Variants in LRMDA observed in about 807,000 individuals in gnomAD.
LRMDA encodes leucine rich melanocyte differentiation associated.
A neutral mutation model predicts 29.8 loss-of-function variants in LRMDA; 18 were observed. The observed-to-expected ratio is 0.60, with a 90% CI of 0.42 to 0.90. The LOEUF (loss-of-function observed/expected upper bound fraction) is 0.90, where lower values mean the gene tolerates loss of function less well. Among genes scored for constraint, LRMDA ranks in the 40% least tolerant of loss-of-function variants. LRMDA has a pLI of 0.00. For synonymous variants in LRMDA, 125 were observed against 109.4 expected, an observed-to-expected ratio of 1.14 and a Z score of -0.89; for missense variants, 273 against 273.9, an observed-to-expected ratio of 1.00 and a Z score of 0.02.
intron 6 of LRMDA, among the ~76,000 whole-genome samples, chr10:76,337,261 C>T (rs1840981079): frequency 6.6e-6 from 1 of 151,852 alleles, no homozygotes; most frequent in African/African-American, 2.4e-5. Flanking sequence ...TTTCTGCCTT[C>T]AAAGAGCTTA....
rs948866681 is a variant in LRMDA at position 75,477,696 on chromosome 10, C to T, written c.131+39202C>T. ...AGGCTTGTATAGCCCCTGGGGCCCA[C>T]GAGGCTTGTATGGCTTCTGGGGCCC... On this transcript the variant is annotated intron_variant, in intron 2 of 6. Coordinates refer to ENST00000611255, the MANE Select transcript of LRMDA (RefSeq NM_001305581.2). Among the ~76,000 whole-genome samples, 73 of 152,220 alleles carry T rather than the reference C, an allele frequency of 4.8e-4. 1 individual carries two copies. Among genetic ancestry groups the T allele is most frequent in the African/African-American group, 1.4e-3 (56 of 41,458 alleles).
At chr10:76,036,190 C>G (rs1848242260) in intron 3 of LRMDA, 56 bp downstream of exon 3, 6 of 1,506,568 alleles carry the variant, frequency 4.0e-6, no homozygotes, top group Middle Eastern at 2.4e-4. Flanking sequence ...CAGTCGTCCC[C>G]CAACCCCACC....
intron 6 of LRMDA, among the ~76,000 whole-genome samples, chr10:76,340,542 G>C (rs957882535): frequency 7.3e-6 from 1 of 136,676 alleles, no homozygotes; most frequent in African/African-American, 2.7e-5. Context: ...AAAAAAGAGA[G>C]AGAGAGGGAG....
At chr10:75,509,937 C>G (rs1845209084) in intron 2 of LRMDA, among the ~76,000 whole-genome samples, 1 of 152,188 alleles carries the variant, frequency 6.6e-6, no homozygotes, top group South Asian at 2.1e-4. Flanking sequence ...CTGAGGAAGT[C>G]ATCTGCCCAC....
At chr10:76,348,492 A>G (rs1158465070) in intron 6 of LRMDA, among the ~76,000 whole-genome samples, 1 of 152,230 alleles carries the variant, frequency 6.6e-6, no homozygotes, top group Non-Finnish European at 1.5e-5. Flanking sequence ...ACTGTTTTTA[A>G]TGAGTTGTTC....
chr10:76,169,095 A>G (rs542138874), intron 5 of LRMDA, among the ~76,000 whole-genome samples: 98 of 152,314 alleles, frequency 6.4e-4, no homozygotes, highest in Middle Eastern at 3.4e-3. Flanking sequence ...CTTTCCTTAG[A>G]ATAGCTCTTT....
At chr10:75,733,707 C>CTCCTCAGG (rs1319650722) in intron 2 of LRMDA, among the ~76,000 whole-genome samples, 1 of 152,196 alleles carries the variant, frequency 6.6e-6, no homozygotes, top group Non-Finnish European at 1.5e-5. Flanking sequence ...AGGGAACCCT[C>CTCCTCAGG]TCCTCAGGAG....
At chr10:76,509,406 A>T (rs1294988789) in intron 6 of LRMDA, among the ~76,000 whole-genome samples, 1 of 152,196 alleles carries the variant, frequency 6.6e-6, no homozygotes. Context: ...TCACATTTCA[A>T]AACACCTTGC....
intron 6 of LRMDA, among the ~76,000 whole-genome samples, chr10:76,484,888 G>A (rs1385532737): frequency 6.6e-6 from 1 of 151,600 alleles, no homozygotes; most frequent in Non-Finnish European, 1.5e-5. Context: ...TTTTACCATT[G>A]TATAATGTCC....
intron 2 of LRMDA, among the ~76,000 whole-genome samples, chr10:75,756,709 C>T (rs115049208): frequency 1.3e-5 from 2 of 152,174 alleles, no homozygotes; most frequent in Non-Finnish European, 2.9e-5. Flanking sequence ...TTCTCTTAAT[C>T]TGTACAAGTC....
chr10:75,725,548 G>C (rs549407991), intron 2 of LRMDA, among the ~76,000 whole-genome samples: 1 of 152,290 alleles, frequency 6.6e-6, no homozygotes, highest in South Asian at 2.1e-4. Flanking sequence ...AAATCACTCT[G>C]TGTCACACGA....
At chr10:76,169,334 TTTTTAAATACTC>T (rs1181449885) in intron 5 of LRMDA, among the ~76,000 whole-genome samples, 1 of 152,222 alleles carries the variant, frequency 6.6e-6, no homozygotes, top group East Asian at 1.9e-4. Flanking sequence ...AAGGAAAACA[TTTTTAAATACTC>T]TTTTAGCCAT....
intron 6 of LRMDA, among the ~76,000 whole-genome samples, chr10:76,553,811 G>A (rs1445970395): frequency 2.6e-5 from 4 of 152,058 alleles, no homozygotes; most frequent in African/African-American, 9.7e-5. Context: ...AATTTCAGCC[G>A]ATTCTTAGCA....
chr10:75,732,829 A>G (rs1842716020), intron 2 of LRMDA, among the ~76,000 whole-genome samples: 1 of 152,184 alleles, frequency 6.6e-6, no homozygotes, highest in Non-Finnish European at 1.5e-5. Flanking sequence ...ACACTGTGGC[A>G]TGCTCCTGGG....
chr10:76,424,400 G>C (rs948194379), intron 6 of LRMDA, among the ~76,000 whole-genome samples: 1 of 152,158 alleles, frequency 6.6e-6, no homozygotes, highest in African/African-American at 2.4e-5. Context: ...TTAGTCAGGC[G>C]TGGTGGCAGG....
At chr10:75,908,206 G>C (rs906232407) in intron 2 of LRMDA, among the ~76,000 whole-genome samples, 1 of 152,182 alleles carries the variant, frequency 6.6e-6, no homozygotes, top group African/African-American at 2.4e-5. Flanking sequence ...AAGCTGAGGC[G>C]CAGAGAAGTT....
rs114446027 is a variant in LRMDA, at chr10:76,523,804, C to G, written c.602-33405C>G. ...CTATTTCTGGTTTTTGACGTTCCTT[C>G]CCTGCTGCCATTTCCCAACTTTAAC... On this transcript the variant is annotated intron_variant, in intron 6 of 6. Coordinates refer to ENST00000611255, the MANE Select transcript of LRMDA (RefSeq NM_001305581.2). Among the ~76,000 whole-genome samples the G allele has an allele frequency of 2.5e-3, 385 of 152,252 alleles. 1 individual carries two copies. Among genetic ancestry groups the G allele is most frequent in the African/African-American group, 9.0e-3 (373 of 41,544 alleles).
intron 6 of LRMDA, among the ~76,000 whole-genome samples, chr10:76,360,017 G>T (rs138069838): frequency 6.6e-6 from 1 of 151,612 alleles, no homozygotes; most frequent in Non-Finnish European, 1.5e-5. Flanking sequence ...TTTTTGAGAC[G>T]CAGTTTCGCT....
chr10:75,958,520 T>C (rs1846703804), intron 2 of LRMDA, among the ~76,000 whole-genome samples: 2 of 152,174 alleles, frequency 1.3e-5, no homozygotes, highest in South Asian at 4.1e-4. Flanking sequence ...CCCCTGAAGA[T>C]ATAAAATGTG....
Sources: allele counts gnomAD v4.1 joint callset (sites outside exome capture counted in the v4.1 genomes callset), GRCh38; gene constraint gnomAD v4.1.1; transcripts MANE v1.5; gene names NCBI Gene and HGNC (gene_info 2026-07-23, HGNC 2026-07-21).